Variants in GSDMC observed in about 807,000 individuals in gnomAD.
GSDMC encodes the protein gasdermin-C.
In GSDMC, 59 loss-of-function variants were observed where a neutral mutation model predicts 58.0. The ratio of observed to expected loss-of-function variants is 1.02; its 90% CI spans 0.82 to 1.26. The LOEUF is 1.26. Ranked by LOEUF, GSDMC falls within the 50% of genes most tolerant of loss-of-function variation. The probability of loss-of-function intolerance (pLI) is 0.00; values close to 1 mark genes in which losing one functional copy is unlikely to be tolerated. For missense variants in GSDMC, 659 were observed against 598.5 expected (o/e 1.10, Z -1.06); for synonymous variants, 241 against 220.2 (o/e 1.09, Z -0.83).
At chr8:129,770,587 A>T (rs2034015524) in intron 3 of GSDMC, among the ~76,000 whole-genome samples, 1 of 152,218 alleles carries the variant, frequency 6.6e-6, no homozygotes, top group African/African-American at 2.4e-5. Context: ...TAACTATAAG[A>T]TATTTTATGT....
chr8:129,729,757 G>A, the GSDMC span: 1 of 589,530 alleles, frequency 1.7e-6, no homozygotes, highest in Non-Finnish European at 3.1e-6. Flanking sequence ...TGTAAAAAGT[G>A]TCGCAATAAA....
chr8:129,767,577 A>T (rs1196913234), intron 3 of GSDMC, among the ~76,000 whole-genome samples: 1 of 152,104 alleles, frequency 6.6e-6, no homozygotes, highest in East Asian at 1.9e-4. Context: ...AACCCAGCCA[A>T]TCTGGGAGTT....
At chr8:129,723,119 T>A in the GSDMC span, 9 of 152,386 alleles carry the variant, frequency 5.9e-5, no homozygotes, top group Middle Eastern at 3.4e-3. Context: ...ACTACCATCG[T>A]GCATGCACAT....
intron 5 of GSDMC, among the ~76,000 whole-genome samples, chr8:129,761,718 G>A (rs899493178): frequency 2.6e-5 from 4 of 152,188 alleles, no homozygotes; most frequent in Admixed American, 2.6e-4. Flanking sequence ...TCTCCTGAGA[G>A]TGGGAATCCC....
At chr8:129,729,481 C>T in the GSDMC span, among the ~76,000 whole-genome samples, 3 of 152,162 alleles carry the variant, frequency 2.0e-5, no homozygotes, top group Admixed American at 2.0e-4. Flanking sequence ...CCACAACAGG[C>T]CCCAGTGTGT....
At chr8:129,724,601 T>G in the GSDMC span, among the ~76,000 whole-genome samples, 1 of 151,490 alleles carries the variant, frequency 6.6e-6, no homozygotes, top group Non-Finnish European at 1.5e-5. Flanking sequence ...GAGTAACAAC[T>G]CACTTAATGA....
At chr8:129,726,946 G>C in the GSDMC span, among the ~76,000 whole-genome samples, 1 of 151,422 alleles carries the variant, frequency 6.6e-6, no homozygotes, top group Non-Finnish European at 1.5e-5. Flanking sequence ...ACTACAGTGG[G>C]ATACCCCCAT....
At chr8:129,750,629 C>A in intron 10 of GSDMC, 59 bp from the exon 11 acceptor site, 1 of 1,544,224 alleles carries the variant, frequency 6.5e-7, no homozygotes, top group Non-Finnish European at 8.9e-7. Flanking sequence ...TTAGAACATC[C>A]TTGGAATGAC....
chr8:129,706,248 GTTGCCAACTTT>G, the GSDMC span, among the ~76,000 whole-genome samples: 2 of 152,036 alleles, frequency 1.3e-5, no homozygotes, highest in Non-Finnish European at 2.9e-5. Context: ...ATTACAGAGG[GTTGCCAACTTT>G]TTGCCAACAA....
rs117044219 is a variant in GSDMC, at chr8:129,754,074, C to T, written c.722-1254G>A. Among the ~76,000 whole-genome samples the T allele has an allele frequency of 6.7e-3, 1,023 of 152,362 alleles. 3 individuals carry two copies. The highest frequency in any genetic ancestry group is 0.011 in the Non-Finnish European group (722 of 68,042). ...TACCCACCCAAGGCCTGGGAAAACT[C>T]ACTGCTCTGACGGGAAGTGAAAAAA... On this transcript the variant is annotated intron_variant, in intron 6 of 13. Coordinates refer to ENST00000276708, the MANE Select transcript of GSDMC (RefSeq NM_031415.3).
chr8:129,762,638 T>C lies in GSDMC; in HGVS notation c.664A>G (p.Ile222Val), dbSNP rs900292984. The C allele has an allele frequency of 9.3e-6, 15 of 1,610,438 alleles. No homozygotes were observed. The highest frequency in any genetic ancestry group is 1.2e-5 in the Non-Finnish European group (14 of 1,176,602). ...VMAYKRKQLV[I>V]KEKAILISDD... ...CCGCTGCTCCCACCTTTCTCCTTGA[T>C]AACCAGCTGCTTTCTCTTATAAGCC... Residue 222 changes from isoleucine to valine, a missense_variant, in exon 5 of 14, where the codon ATC (isoleucine) becomes GTC (valine). Physicochemically the swap from Ile to Val is conservative, Grantham distance 29 (BLOSUM62 3). Transcript: ENST00000276708.
the GSDMC span, among the ~76,000 whole-genome samples, chr8:129,741,927 TATATATATATAC>T: frequency 6.8e-6 from 1 of 146,118 alleles, no homozygotes; most frequent in South Asian, 2.1e-4. Context: ...TATATATATA[TATATATATATAC>T]ATGAAATAAT....
chr8:129,738,750 C>T, the GSDMC span, among the ~76,000 whole-genome samples: 6 of 152,040 alleles, frequency 3.9e-5, no homozygotes, highest in African/African-American at 1.5e-4. Context: ...CTTATGTATA[C>T]CTATGTAACA....
At chr8:129,739,287 T>C in the GSDMC span, among the ~76,000 whole-genome samples, 6 of 152,082 alleles carry the variant, frequency 3.9e-5, no homozygotes, top group African/African-American at 4.8e-5. Flanking sequence ...TATGAAGCGA[T>C]GGGGACAGAA....
chr8:129,751,102 T>C (rs1462963780), intron 10 of GSDMC, among the ~76,000 whole-genome samples: 2 of 152,126 alleles, frequency 1.3e-5, no homozygotes, highest in East Asian at 3.9e-4. Flanking sequence ...TGAGACCCCA[T>C]CTCAAAAAAA....
downstream of GSDMC, among the ~76,000 whole-genome samples, chr8:129,747,489 T>C (rs1251771636): frequency 6.6e-6 from 1 of 152,132 alleles, no homozygotes; most frequent in Non-Finnish European, 1.5e-5. Context: ...TAGAGTGAAG[T>C]GGTGATTAGT....
chr8:129,767,875 C>T (rs76697150), intron 3 of GSDMC, among the ~76,000 whole-genome samples: 7,837 of 152,202 alleles, frequency 0.051, 311 homozygotes, highest in East Asian at 0.19. Flanking sequence ...AGCCTAAAGC[C>T]CTGCCCAATT....
chr8:129,761,841 G>T (rs1298970683), intron 5 of GSDMC, among the ~76,000 whole-genome samples: 1 of 152,148 alleles, frequency 6.6e-6, no homozygotes, highest in Non-Finnish European at 1.5e-5. Context: ...TCTGTCTATG[G>T]CCACTGATGG....
chr8:129,759,891 T>C (rs1215928894), intron 6 of GSDMC, among the ~76,000 whole-genome samples: 1 of 152,096 alleles, frequency 6.6e-6, no homozygotes, highest in Non-Finnish European at 1.5e-5. Flanking sequence ...GCAATCAGTA[T>C]ACCAAAGAGA....
Sources: allele counts gnomAD v4.1 joint callset (sites outside exome capture counted in the v4.1 genomes callset), GRCh38; gene constraint gnomAD v4.1.1; transcripts MANE v1.5; gene names NCBI Gene and HGNC (gene_info 2026-07-23, HGNC 2026-07-21).